Variants in KIF6 observed in about 807,000 individuals in gnomAD.
KIF6 encodes the protein kinesin-like protein KIF6.
A neutral mutation model predicts 112.7 loss-of-function variants in KIF6; 106 were observed. The observed-to-expected ratio is 0.94, with a 90% confidence interval of 0.80 to 1.11. The LOEUF is 1.11. Ranked by LOEUF, KIF6 falls within the 50% of genes least tolerant of loss-of-function variation. The pLI, the probability that KIF6 is intolerant of heterozygous loss-of-function variation, is 0.00. For synonymous variants in KIF6, 339 were observed against 339.9 expected, an observed-to-expected ratio of 1.00 and a Z score of 0.03; for missense variants, 929 against 964.0, an observed-to-expected ratio of 0.96 and a Z score of 0.48.
At chr6:39,487,565 G>A (rs765062402) in intron 13 of KIF6, among the ~76,000 whole-genome samples, 13 of 152,156 alleles carry the variant, frequency 8.5e-5, no homozygotes, top group Admixed American at 1.3e-4. Flanking sequence ...CCCCACAGGT[G>A]TCAATGCCAA....
intron 16 of KIF6, among the ~76,000 whole-genome samples, chr6:39,366,975 G>A (rs1765606640): frequency 6.6e-6 from 1 of 152,026 alleles, no homozygotes; most frequent in Non-Finnish European, 1.5e-5. Context: ...GAAGCCGGGA[G>A]TCTGTTGAAA....
intron 5 of KIF6, among the ~76,000 whole-genome samples, chr6:39,626,952 C>A (rs1463825931): frequency 2.6e-5 from 4 of 152,106 alleles, no homozygotes; most frequent in African/African-American, 4.8e-5. Flanking sequence ...CCACAATGCT[C>A]TGACTCTTGT....
chr6:39,411,545 A>G (rs1366181155), intron 15 of KIF6, among the ~76,000 whole-genome samples: 1 of 152,244 alleles, frequency 6.6e-6, no homozygotes, highest in Admixed American at 6.5e-5. Flanking sequence ...TTTAGTAAGA[A>G]GAAGCCTCAC....
Position 39,343,052 on chromosome 6 carries a change from G to C in KIF6, c.2428+657C>G. On this transcript the variant is annotated intron_variant, in intron 22 of 22. Transcript: ENST00000287152. This position sits in a 1 kb window ranked among gnomAD's most constrained non-coding sequence, Gnocchi z 4.1. ...CAGGCCTGGGGTAAGGGGCCCTGGG[G>C]CTTGCCCTGTGGGTGTGTTGGGGAT... is the stretch of plus-strand genomic sequence containing the variant. 1.0e-6 allele frequency: 1 copy of C among 985,420 alleles called. No homozygotes were observed. 61.0% of individuals were successfully genotyped at this position (985,420 alleles called of 1,614,324 possible). A position where few individuals can be genotyped will look rare whatever the true frequency, so the allele number is the denominator to read the frequency against.
At chr6:39,675,080 T>G (rs1276820815) in intron 3 of KIF6, among the ~76,000 whole-genome samples, 1 of 151,964 alleles carries the variant, frequency 6.6e-6, no homozygotes, top group Non-Finnish European at 1.5e-5. Flanking sequence ...CTCCTTTTAA[T>G]GCATAAATTT....
intron 5 of KIF6, among the ~76,000 whole-genome samples, chr6:39,626,100 G>A (rs1784078360): frequency 6.6e-6 from 1 of 152,096 alleles, no homozygotes; most frequent in South Asian, 2.1e-4. Flanking sequence ...ACCATAATGT[G>A]GTGGAGCCTA....
intron 22 of KIF6, among the ~76,000 whole-genome samples, chr6:39,337,097 TTTC>T (rs997259164): frequency 4.3e-5 from 6 of 139,168 alleles, no homozygotes; most frequent in Admixed American, 2.1e-4. Context: ...CTTTCCTTTC[TTTC>T]TTCTTTCTTC....
chr6:39,458,259 A>C (rs947788249), intron 13 of KIF6, among the ~76,000 whole-genome samples: 1 of 151,100 alleles, frequency 6.6e-6, no homozygotes, highest in African/African-American at 2.4e-5. Context: ...AAACAGAGTC[A>C]AAGACAAAAA....
At chr6:39,577,704 C>T (rs1331754772) in intron 10 of KIF6, among the ~76,000 whole-genome samples, 2 of 152,210 alleles carry the variant, frequency 1.3e-5, no homozygotes, top group African/African-American at 4.8e-5. Context: ...CAAAGGATGT[C>T]TCTTGAATTC....
Position 39,601,424 on chromosome 6 carries a change from C to T in KIF6, c.640-5164G>A, listed in dbSNP as rs1561853140. 2.0e-5 allele frequency among the ~76,000 whole-genome samples: 3 copies of T among 152,104 alleles called. No homozygotes were observed. The South Asian group carries it at 6.2e-4, about 32-fold the overall frequency. On this transcript the variant is annotated intron_variant, in intron 6 of 22. Coordinates refer to ENST00000287152, the MANE Select transcript of KIF6 (RefSeq NM_145027.6). ...ATTTGATTAATGCCAATCCTATCTA[C>T]ATCACTGAATTAAACTAGCATGCTC...
intron 19 of KIF6, among the ~76,000 whole-genome samples, chr6:39,350,696 G>A (rs989585231): frequency 2.6e-5 from 4 of 152,200 alleles, no homozygotes; most frequent in Non-Finnish European, 4.4e-5. Flanking sequence ...CTGGCTTACC[G>A]TGGCAGAGTT....
intron 15 of KIF6, among the ~76,000 whole-genome samples, chr6:39,400,871 C>A (rs1768648300): frequency 6.6e-6 from 1 of 152,172 alleles, no homozygotes; most frequent in African/African-American, 2.4e-5. Flanking sequence ...CTGCTGGAGA[C>A]AATACACTTG....
At chr6:39,420,299 CT>C (rs1770257173) in intron 14 of KIF6, among the ~76,000 whole-genome samples, 1 of 150,564 alleles carries the variant, frequency 6.6e-6, no homozygotes. Context: ...TAAAGCCTGG[CT>C]GTAAGGTTTC....
At chr6:39,444,679 ACTCT>A (rs67870657) in intron 13 of KIF6, among the ~76,000 whole-genome samples, 8,441 of 151,342 alleles carry the variant, frequency 0.056, 441 homozygotes, top group East Asian at 0.24. Context: ...CTACCATTCT[ACTCT>A]CTGTTTCTAT....
chr6:39,608,599 A>G (rs184274050), intron 6 of KIF6, among the ~76,000 whole-genome samples: 12 of 152,356 alleles, frequency 7.9e-5, no homozygotes, highest in African/African-American at 2.4e-4. Flanking sequence ...AGAATTAGGT[A>G]TAAAGACCTC....
At position 39,336,378 on chromosome 6, in the gene KIF6, T is replaced by C; in HGVS notation, c.*154A>G. On this transcript the variant is annotated 3_prime_UTR_variant, in exon 23 of 23. Transcript: ENST00000287152. ...TCGGTGGCCTCCAGGTCAGCATCCT[T>C]AAAGAAACACAGTCCCCTCCATGGG... The C allele has an allele frequency of 1.4e-6, 1 of 736,996 alleles. No homozygotes were observed. Among genetic ancestry groups the C allele is most frequent in the South Asian group, 1.7e-5 (1 of 60,156 alleles). The allele number at this position is 736,996 out of a possible 1,614,324, so 45.7% of individuals were successfully genotyped here. A position where few individuals can be genotyped will look rare whatever the true frequency, so the allele number is the denominator to read the frequency against.
At chr6:39,681,798 A>G (rs1787536777) in intron 3 of KIF6, among the ~76,000 whole-genome samples, 1 of 152,202 alleles carries the variant, frequency 6.6e-6, no homozygotes. Context: ...TTCCGCTATA[A>G]CAAAGCCAAT....
intron 6 of KIF6, among the ~76,000 whole-genome samples, chr6:39,612,378 A>ACACCAC (rs377400031): frequency 5.8e-4 from 88 of 152,010 alleles, no homozygotes; most frequent in South Asian, 1.7e-3. Context: ...AACTGTTCCC[A>ACACCAC]CACCACCACC....
intron 13 of KIF6, among the ~76,000 whole-genome samples, chr6:39,442,216 G>C (rs548354799): frequency 6.6e-6 from 1 of 152,246 alleles, no homozygotes; most frequent in South Asian, 2.1e-4. Context: ...CACCTGCTGC[G>C]GCTGCCTCCT....
Sources: allele counts gnomAD v4.1 joint callset (sites outside exome capture counted in the v4.1 genomes callset), GRCh38; gene constraint gnomAD v4.1.1; non-coding constraint Gnocchi (gnomAD v3.1); transcripts MANE v1.5; gene names NCBI Gene and HGNC (gene_info 2026-07-23, HGNC 2026-07-21).